RABGAP1L: variants seen among roughly 807,000 people sequenced by gnomAD.
The protein encoded by RABGAP1L is rab GTPase-activating protein 1-like.
Under a neutral mutation model 137.7 loss-of-function variants are expected in RABGAP1L, and 63 were observed. That is an observed-to-expected ratio of 0.46 (90% CI 0.37 to 0.56). The LOEUF is 0.56. Among genes scored for constraint, RABGAP1L ranks in the 20% least tolerant of loss-of-function variants. The pLI, the probability that RABGAP1L is intolerant of heterozygous loss-of-function variation, is 0.00. For synonymous variants in RABGAP1L, 431 were observed against 433.7 expected (o/e 0.99, Z 0.08); for missense variants, 1,095 against 1,244.0 (o/e 0.88, Z 1.80).
chr1:174,179,172 G>T (rs1470984630), intron 1 of RABGAP1L, among the ~76,000 whole-genome samples: 2 of 151,808 alleles, frequency 1.3e-5, no homozygotes, highest in African/African-American at 4.8e-5. Context: ...AGCCTAAGCT[G>T]ATTTTTTTTT....
rs574048209 is a variant in RABGAP1L at position 174,854,004 on chromosome 1, T to C, written c.2340+42044T>C. ...ACAGAGGAATGCTTATGGTCAATAA[T>C]GATGTACAGTCCACAGTGATAAAGA... is the stretch of plus-strand genomic sequence containing the variant. On this transcript the variant is annotated intron_variant, in intron 19 of 25. Coordinates refer to ENST00000681986, the MANE Select transcript of RABGAP1L (RefSeq NM_001366446.1). Among the ~76,000 whole-genome samples the C allele has an allele frequency of 8.5e-5, 13 of 152,264 alleles. No individual in the cohort carries two copies. In the South Asian group the frequency reaches 2.7e-3, roughly 32 times the overall value.
chr1:174,491,301 G>A (rs1660205656), intron 13 of RABGAP1L, among the ~76,000 whole-genome samples: 2 of 151,964 alleles, frequency 1.3e-5, no homozygotes, highest in Admixed American at 6.6e-5. Context: ...GATCTGCCAT[G>A]ACTGGGTACT....
chr1:174,166,000 C>T (rs931177915), intron 1 of RABGAP1L, among the ~76,000 whole-genome samples: 20 of 152,150 alleles, frequency 1.3e-4, no homozygotes, highest in African/African-American at 4.8e-4. Context: ...GCCAGTTTTC[C>T]TTTCTGCTTT....
At chr1:174,407,464 C>A (rs1458209658) in intron 13 of RABGAP1L, among the ~76,000 whole-genome samples, 1 of 152,108 alleles carries the variant, frequency 6.6e-6, no homozygotes, top group Non-Finnish European at 1.5e-5. Context: ...TTACTCCCCC[C>A]AGATCTAACT....
chr1:174,633,139 G>A (rs1274903525), intron 13 of RABGAP1L, among the ~76,000 whole-genome samples: 3 of 151,282 alleles, frequency 2.0e-5, no homozygotes, highest in African/African-American at 4.9e-5. Flanking sequence ...AAACCCCATC[G>A]TCTCAGCCCA....
intron 13 of RABGAP1L, among the ~76,000 whole-genome samples, chr1:174,604,491 G>T (rs1670636248): frequency 6.6e-6 from 1 of 152,116 alleles, no homozygotes; most frequent in African/African-American, 2.4e-5. Flanking sequence ...TTGATATGAT[G>T]TTAAAACCAG....
chr1:174,759,484 A>G (rs1362022068), intron 18 of RABGAP1L, among the ~76,000 whole-genome samples: 2 of 151,772 alleles, frequency 1.3e-5, no homozygotes, highest in Non-Finnish European at 2.9e-5. Flanking sequence ...AGTCCCAGCT[A>G]CTTGGGAGGC....
At chr1:174,318,844 T>TA (rs1000499508) in intron 11 of RABGAP1L, among the ~76,000 whole-genome samples, 2 of 151,664 alleles carry the variant, frequency 1.3e-5, no homozygotes, top group African/African-American at 4.8e-5. Flanking sequence ...CTAACTGCAT[T>TA]AAAAAAAACT....
At chr1:174,622,743 T>C (rs1168009041) in intron 13 of RABGAP1L, among the ~76,000 whole-genome samples, 5 of 152,306 alleles carry the variant, frequency 3.3e-5, no homozygotes, top group South Asian at 2.1e-4. Context: ...TTAGGAAATA[T>C]ACCTAATGCT....
At chr1:174,521,903 A>AC (rs1194590359) in intron 13 of RABGAP1L, among the ~76,000 whole-genome samples, 1 of 151,952 alleles carries the variant, frequency 6.6e-6, no homozygotes, top group Non-Finnish European at 1.5e-5. Flanking sequence ...ACATAGTGAA[A>AC]CCCCATCTCT....
intron 13 of RABGAP1L, among the ~76,000 whole-genome samples, chr1:174,519,422 GTC>G (rs947663396): frequency 2.6e-5 from 4 of 152,004 alleles, no homozygotes; most frequent in Non-Finnish European, 4.4e-5. Flanking sequence ...GGCTAGGCCA[GTC>G]TCACCGTTTT....
intron 11 of RABGAP1L, among the ~76,000 whole-genome samples, chr1:174,307,829 A>G (rs556534170): frequency 6.6e-6 from 1 of 152,238 alleles, no homozygotes; most frequent in African/African-American, 2.4e-5. Context: ...TTGGATATAT[A>G]TGCAGTAGTA....
At chr1:174,505,658 A>G (rs1036126740) in intron 13 of RABGAP1L, among the ~76,000 whole-genome samples, 4 of 152,168 alleles carry the variant, frequency 2.6e-5, no homozygotes, top group African/African-American at 9.6e-5. Context: ...ATAAGTGTCA[A>G]TGAGGATGTG....
chr1:174,629,863 C>T (rs1025095325), intron 13 of RABGAP1L, among the ~76,000 whole-genome samples: 2 of 152,082 alleles, frequency 1.3e-5, no homozygotes, highest in East Asian at 3.9e-4. Context: ...ATTTTATTTT[C>T]ATTTGATTTT....
intron 13 of RABGAP1L, among the ~76,000 whole-genome samples, chr1:174,406,174 A>G (rs1006775528): frequency 6.6e-6 from 1 of 152,122 alleles, no homozygotes; most frequent in Non-Finnish European, 1.5e-5. Context: ...CTGTCTGTCT[A>G]TAGTGATATC....
chr1:174,224,068 T>G (rs1340746087), intron 3 of RABGAP1L, among the ~76,000 whole-genome samples: 1 of 152,210 alleles, frequency 6.6e-6, no homozygotes, highest in Non-Finnish European at 1.5e-5. Context: ...AATCAGATAT[T>G]TAAAGTGAGA....
chr1:174,264,088 T>G (rs1258761364), intron 7 of RABGAP1L, among the ~76,000 whole-genome samples: 1 of 152,062 alleles, frequency 6.6e-6, no homozygotes, highest in Admixed American at 6.5e-5. Context: ...AGTAGGACTT[T>G]AAGCAATTAA....
intron 18 of RABGAP1L, among the ~76,000 whole-genome samples, chr1:174,790,589 G>A (rs1687775186): frequency 6.6e-6 from 1 of 151,294 alleles, no homozygotes; most frequent in Non-Finnish European, 1.5e-5. Context: ...AGCCAAGATT[G>A]CGCTATTGCA....
chr1:174,714,755 C>T (rs1345768229), intron 17 of RABGAP1L, among the ~76,000 whole-genome samples: 1 of 152,164 alleles, frequency 6.6e-6, no homozygotes, highest in African/African-American at 2.4e-5. Context: ...GTATTATTCT[C>T]TATCAATCTC....
Sources: gnomAD v4.1 joint callset for allele counts (sites outside exome capture counted in the v4.1 genomes callset) on GRCh38, gnomAD v4.1.1 for gene constraint, MANE v1.5 for transcripts, NCBI Gene and HGNC (gene_info 2026-07-23, HGNC 2026-07-21) for gene names.